Variants in LY75 observed in about 807,000 individuals in gnomAD.
The protein encoded by LY75 is C-type lectin domain family 13 member B.
In LY75, 185 loss-of-function variants were observed where a neutral mutation model predicts 231.7. The ratio of observed to expected loss-of-function variants is 0.80; its 90% CI spans 0.71 to 0.90. LY75 has a LOEUF of 0.90. LY75 is among the 40% of genes least tolerant of loss of function. LY75 has a pLI of 0.00. For synonymous variants in LY75, 668 were observed against 689.0 expected (o/e 0.97, Z 0.48); for missense variants, 1,947 against 2,050.2 (o/e 0.95, Z 0.97).
rs1289494350 is a variant in LY75 at position 159,854,546 on chromosome 2, A to T, written c.2420-11T>A. On this transcript the variant is annotated splice_polypyrimidine_tract_variant and intron_variant, in intron 17 of 34. Coordinates refer to ENST00000263636, the MANE Select transcript of LY75 (RefSeq NM_002349.4). ...GAATTCCAGCACGGTCTAAAGAAGA[A>T]GAAGAAAAAGATTAGAATTATGACT... 1 of 1,608,922 alleles carries T rather than the reference A, an allele frequency of 6.2e-7. No homozygotes were observed. The highest frequency in any genetic ancestry group is 1.7e-4 in the Middle Eastern group (1 of 5,992).
intron 4 of LY75, among the ~76,000 whole-genome samples, chr2:159,889,588 G>A (rs1347758116): frequency 2.0e-5 from 3 of 152,110 alleles, no homozygotes; most frequent in Non-Finnish European, 4.4e-5. Flanking sequence ...AATAGGGTTT[G>A]TTATTGAAAT....
At chr2:159,872,352 A>AT (rs1056227078) in intron 13 of LY75, 99 bp downstream of exon 13, 77 of 1,468,764 alleles carry the variant, frequency 5.2e-5, no homozygotes, top group Admixed American at 2.0e-4. Context: ...AAACATGTCC[A>AT]TTTTTTTTCC....
At chr2:159,816,694 G>T in intron 30 of LY75, 112 bp downstream of exon 30, 1 of 1,435,198 alleles carries the variant, frequency 7.0e-7, no homozygotes, top group Non-Finnish European at 9.4e-7. Flanking sequence ...TATGCAAGCG[G>T]AGTCCCAGTA....
chr2:159,853,651 G>C lies in LY75; in HGVS notation c.2642C>G (p.Pro881Arg), dbSNP rs374734511. The C allele has an allele frequency of 1.9e-6, 3 of 1,613,268 alleles. No individual in the cohort carries two copies. The highest frequency in any genetic ancestry group is 2.5e-6 in the Non-Finnish European group (3 of 1,179,804). Reference sequence around the variant, plus strand: ...CTACTATGTAAAATGATCATCTATTGGCCACTCGCTAATTCTTATCCACCA... The same window carrying C: ...CTACTATGTAAAATGATCATCTATTCGCCACTCGCTAATTCTTATCCACCA... ...QKWWIRISEW[P>R]IDDHFTYSRY... The change falls in exon 19 of 35, where the codon CCA (proline) becomes CGA (arginine). Residue 881 changes from proline (P) to arginine (R), a missense_variant. By Grantham distance (103) the Pro-to-Arg change is moderately radical. Coordinates refer to ENST00000263636, the MANE Select transcript of LY75 (RefSeq NM_002349.4).
At chr2:159,890,743 T>A (rs1378904278) in intron 3 of LY75, among the ~76,000 whole-genome samples, 1 of 152,154 alleles carries the variant, frequency 6.6e-6, no homozygotes, top group African/African-American at 2.4e-5. Context: ...TAGTGGCAGA[T>A]GACAGAGGGT....
intron 10 of LY75, 61 bp from the exon 11 acceptor site, chr2:159,878,554 A>C (rs960766706): frequency 4.3e-6 from 7 of 1,611,784 alleles, no homozygotes; most frequent in Non-Finnish European, 5.9e-6. Context: ...TTGAAGATGC[A>C]CCTTTTACTT....
intron 33 of LY75, chr2:159,808,077 G>A: frequency 1.0e-6 from 1 of 984,146 alleles, no homozygotes; most frequent in South Asian, 4.7e-5. Flanking sequence ...GTTATAAGCT[G>A]CAAATCCATG....
intron 11 of LY75, among the ~76,000 whole-genome samples, chr2:159,877,997 G>A (rs988740580): frequency 6.6e-6 from 1 of 152,212 alleles, no homozygotes; most frequent in Admixed American, 6.5e-5. Context: ...AGATGAAAAT[G>A]TAAAGAGCCT....
At chr2:159,846,017 C>T (rs1178869923) in intron 23 of LY75, among the ~76,000 whole-genome samples, 2 of 151,144 alleles carry the variant, frequency 1.3e-5, no homozygotes, top group African/African-American at 4.9e-5. Context: ...AGGCTGGTCT[C>T]TGGTCTCAAA....
intron 4 of LY75, among the ~76,000 whole-genome samples, chr2:159,887,307 G>A (rs1685621693): frequency 6.7e-6 from 1 of 150,350 alleles, no homozygotes; most frequent in Non-Finnish European, 1.5e-5. Flanking sequence ...GATGCTATCA[G>A]CAATTAAGAA....
chr2:159,839,775 G>A (rs1457378806), intron 25 of LY75, among the ~76,000 whole-genome samples: 1 of 152,052 alleles, frequency 6.6e-6, no homozygotes, highest in Non-Finnish European at 1.5e-5. Context: ...GGAGCCTGGG[G>A]CGGGCGGATC....
Position 159,831,778 on chromosome 2 carries a change from A to G in LY75, c.3850T>C (p.Ser1284Pro), listed in dbSNP as rs1683667912. The change falls in exon 28 of 35, where the codon TCA becomes CCA. Residue 1284 changes from serine to proline, a missense_variant. Coordinates refer to ENST00000263636, the MANE Select transcript of LY75 (RefSeq NM_002349.4). ...HTKCQKLNPK[S>P]HILSIRDEKE... ...TCATCTCGAATACTCAGAATATGTGATTTTGGATCTGTTGAATAAAAAATA... is the reference window on the plus strand; with the variant it reads ...TCATCTCGAATACTCAGAATATGTGGTTTTGGATCTGTTGAATAAAAAATA... 2 of 1,604,324 alleles carry G rather than the reference A, an allele frequency of 1.2e-6. No individual in the cohort carries two copies. Among genetic ancestry groups the G allele is most frequent in the African/African-American group, 2.7e-5 (2 of 74,448 alleles).
chr2:159,868,970 T>C (rs891634523), intron 13 of LY75, among the ~76,000 whole-genome samples: 2 of 151,952 alleles, frequency 1.3e-5, no homozygotes, highest in Non-Finnish European at 2.9e-5. Flanking sequence ...TATGCAGCCA[T>C]AAAAAAGGAT....
chr2:159,857,810 A>G lies in LY75; in HGVS notation c.2383+552T>C, dbSNP rs527375332. On this transcript the variant is annotated intron_variant, in intron 16 of 34. Transcript: ENST00000263636. The stretch of plus-strand genomic sequence containing the variant: ...CTTAATATTTCATGTTTTCCTGGAA[A>G]AAGTAAAGTAAAATGGTATCTACAT... Among the ~76,000 whole-genome samples, 3 of 152,326 alleles carry G rather than the reference A, an allele frequency of 2.0e-5. No individual in the cohort carries two copies. The East Asian group carries it at 5.8e-4, about 29-fold the overall frequency.
At chr2:159,881,928 G>A (rs999102865) in intron 7 of LY75, among the ~76,000 whole-genome samples, 196 bp downstream of exon 7, 6 of 152,254 alleles carry the variant, frequency 3.9e-5, no homozygotes, top group African/African-American at 1.4e-4. Context: ...CATGCCAACT[G>A]CTCAGAAGCT....
At chr2:159,810,429 AT>A in intron 32 of LY75, 96 bp downstream of exon 32, 1 of 1,508,274 alleles carries the variant, frequency 6.6e-7, no homozygotes, top group Non-Finnish European at 8.9e-7. Flanking sequence ...TGCTTTAAAA[AT>A]ATTTTCAAAA....
intron 13 of LY75, among the ~76,000 whole-genome samples, chr2:159,869,649 T>G (rs1023580166): frequency 3.9e-5 from 6 of 152,220 alleles, no homozygotes; most frequent in Non-Finnish European, 1.5e-5. Flanking sequence ...TGTGATGGCC[T>G]GATACTCACT....
chr2:159,811,027 C>T (rs1560060771), intron 31 of LY75, among the ~76,000 whole-genome samples: 1 of 151,954 alleles, frequency 6.6e-6, no homozygotes, highest in African/African-American at 2.4e-5. Context: ...TCTTTGGATT[C>T]CTTTTTTTGT....
chr2:159,846,745 A>G (rs1278700400), intron 23 of LY75, among the ~76,000 whole-genome samples: 2 of 152,220 alleles, frequency 1.3e-5, no homozygotes, highest in Admixed American at 1.3e-4. Flanking sequence ...AGTATTTGCA[A>G]TAAACACAAG....
Sources: gnomAD v4.1 joint callset for allele counts (sites outside exome capture counted in the v4.1 genomes callset) on GRCh38, gnomAD v4.1.1 for gene constraint, MANE v1.5 for transcripts, NCBI Gene and HGNC (gene_info 2026-07-23, HGNC 2026-07-21) for gene names.